COL11A1: variants seen among roughly 807,000 people sequenced by gnomAD.
COL11A1 encodes collagen type XI alpha 1 chain, also known as collagen alpha-1(XI) chain.
Under a neutral mutation model 265.2 loss-of-function variants are expected in COL11A1, and 74 were observed. The ratio of observed to expected loss-of-function variants is 0.28; its 90% confidence interval spans 0.23 to 0.34. The LOEUF is 0.34. Among genes scored for constraint, COL11A1 ranks in the 10% least tolerant of loss-of-function variants. The probability of loss-of-function intolerance (pLI) is 1.00; values close to 1 mark genes in which losing one functional copy is unlikely to be tolerated. For missense variants in COL11A1, 2,165 were observed against 2,263.6 expected (o/e 0.96, Z 0.88); for synonymous variants, 816 against 727.6 (o/e 1.12, Z -1.96).
intron 57 of COL11A1, among the ~76,000 whole-genome samples, chr1:102,890,893 G>GA (rs34387815): frequency 0.04 from 6,120 of 151,668 alleles, 151 homozygotes; most frequent in Middle Eastern, 0.13. Context: ...TAACATTTTT[G>GA]AAAAAACTCA....
intron 28 of COL11A1, among the ~76,000 whole-genome samples, chr1:102,993,354 A>T (rs1211655750): frequency 6.6e-6 from 1 of 152,040 alleles, no homozygotes; most frequent in Non-Finnish European, 1.5e-5. Context: ...CCCCAACCCA[A>T]CTTCCTATAT....
At chr1:102,988,873 C>A (rs1293973084) in intron 29 of COL11A1, among the ~76,000 whole-genome samples, 1 of 151,974 alleles carries the variant, frequency 6.6e-6, no homozygotes, top group Non-Finnish European at 1.5e-5. Flanking sequence ...GATGTTATTG[C>A]CCCCAATCCT....
intron 4 of COL11A1, among the ~76,000 whole-genome samples, chr1:103,065,357 A>G (rs544101099): frequency 6.6e-6 from 1 of 151,968 alleles, no homozygotes; most frequent in South Asian, 2.1e-4. Flanking sequence ...CGTCTCTACT[A>G]AAAATACAAA....
At chr1:102,898,908 A>T in intron 55 of COL11A1, 33 bp downstream of exon 55, 3 of 1,039,964 alleles carry the variant, frequency 2.9e-6, no homozygotes, top group Non-Finnish European at 4.0e-6. Context: ...ATAATATATA[A>T]TATATATTAT....
chr1:103,045,259 C>T (rs3908855), intron 4 of COL11A1, among the ~76,000 whole-genome samples: 142,516 of 152,220 alleles, frequency 0.94, 66,949 homozygotes, highest in East Asian at 1. Flanking sequence ...AATGAAATGC[C>T]ACTGGAAGAT....
intron 49 of COL11A1, among the ~76,000 whole-genome samples, chr1:102,919,637 TAAG>T (rs1655747979): frequency 6.6e-6 from 1 of 151,966 alleles, no homozygotes; most frequent in Non-Finnish European, 1.5e-5. Flanking sequence ...AAAATTCTAT[TAAG>T]AAGTGAGCAT....
At chr1:103,057,365 C>G (rs1670326783) in intron 4 of COL11A1, among the ~76,000 whole-genome samples, 1 of 152,132 alleles carries the variant, frequency 6.6e-6, no homozygotes, top group South Asian at 2.1e-4. Context: ...AATTCTAGTT[C>G]TCTTGCTATT....
intron 43 of COL11A1, among the ~76,000 whole-genome samples, chr1:102,939,347 A>C (rs1352099804): frequency 6.6e-6 from 1 of 152,214 alleles, no homozygotes; most frequent in Non-Finnish European, 1.5e-5. Context: ...CTCAAATATT[A>C]CCTGTATAAA....
chr1:102,988,251 A>G (rs1663773211), intron 29 of COL11A1, among the ~76,000 whole-genome samples: 1 of 152,070 alleles, frequency 6.6e-6, no homozygotes. Context: ...ATCAGCACAC[A>G]AGGACCATTT....
chr1:102,934,397 T>C, intron 46 of COL11A1, 52 bp downstream of exon 46: 1 of 1,319,046 alleles, frequency 7.6e-7, no homozygotes, highest in Middle Eastern at 1.8e-4. Flanking sequence ...CCAGAAAACC[T>C]GGTGAGAAGT....
chr1:103,004,986 T>C (rs1384454496), intron 18 of COL11A1, among the ~76,000 whole-genome samples: 3 of 151,998 alleles, frequency 2.0e-5, no homozygotes, highest in Non-Finnish European at 4.4e-5. Flanking sequence ...ATTTTGCTGA[T>C]GATTGTATTA....
intron 10 of COL11A1, 56 bp downstream of exon 10, chr1:103,018,762 A>G: frequency 7.6e-7 from 1 of 1,311,722 alleles, no homozygotes; most frequent in South Asian, 1.2e-5. Flanking sequence ...AATTAATAGA[A>G]ATCTTATATA....
At chr1:102,904,844 A>C (rs1653713317) in intron 54 of COL11A1, among the ~76,000 whole-genome samples, 1 of 152,074 alleles carries the variant, frequency 6.6e-6, no homozygotes, top group African/African-American at 2.4e-5. Context: ...AGAACTAGAA[A>C]TACCATTTGA....
At chr1:102,973,062 TTCTA>T (rs909255698) in intron 36 of COL11A1, among the ~76,000 whole-genome samples, 2 of 152,098 alleles carry the variant, frequency 1.3e-5, no homozygotes, top group African/African-American at 4.8e-5. Context: ...AAGAGGTTTT[TTCTA>T]TCTCTCTACC....
At chr1:102,998,470 T>G in intron 24 of COL11A1, 107 bp from the exon 25 acceptor site, 1 of 665,120 alleles carries the variant, frequency 1.5e-6, no homozygotes, top group Non-Finnish European at 2.5e-6. Flanking sequence ...TGGCTTCAAT[T>G]CATAAGTAAT....
intron 29 of COL11A1, among the ~76,000 whole-genome samples, 168 bp downstream of exon 29, chr1:102,989,350 C>T (rs1309926500): frequency 6.6e-6 from 1 of 151,798 alleles, no homozygotes; most frequent in East Asian, 1.9e-4. Flanking sequence ...ACTATCTCCA[C>T]AAAAATTAAA....
chr1:102,996,525 TA>T (rs1422242780), intron 26 of COL11A1, among the ~76,000 whole-genome samples: 1 of 151,826 alleles, frequency 6.6e-6, no homozygotes, highest in Non-Finnish European at 1.5e-5. Context: ...TCTATCTAGA[TA>T]AAATGTTCTA....
chr1:102,979,769 T>C (rs1371692523), intron 31 of COL11A1, among the ~76,000 whole-genome samples: 1 of 152,212 alleles, frequency 6.6e-6, no homozygotes, highest in Non-Finnish European at 1.5e-5. Context: ...TTGTATTTGC[T>C]TCAACTCTAA....
At chr1:103,065,010 C>T (rs541491582) in intron 4 of COL11A1, among the ~76,000 whole-genome samples, 226 of 152,140 alleles carry the variant, frequency 1.5e-3, no homozygotes, top group African/African-American at 5.3e-3. Flanking sequence ...TTAGAATGTA[C>T]AACACCAAGA....
Sources: allele counts gnomAD v4.1 joint callset (sites outside exome capture counted in the v4.1 genomes callset), GRCh38; gene constraint gnomAD v4.1.1; transcripts MANE v1.5; gene names NCBI Gene and HGNC (gene_info 2026-07-23, HGNC 2026-07-21).